NRG3: variants seen among roughly 807,000 people sequenced by gnomAD.
NRG3 encodes the protein neuregulin 3.
A neutral mutation model predicts 66.9 loss-of-function variants in NRG3; 31 were observed. The ratio of observed to expected loss-of-function variants is 0.46; its 90% CI spans 0.35 to 0.63. The LOEUF is 0.63. Ranked by LOEUF, NRG3 falls within the 20% of genes least tolerant of loss-of-function variation. The pLI is 0.00. For synonymous variants in NRG3, 393 were observed against 359.4 expected, an observed-to-expected ratio of 1.09 and a Z score of -1.06; for missense variants, 910 against 878.9, an observed-to-expected ratio of 1.04 and a Z score of -0.45.
chr10:82,552,213 C>G (rs1340757064), intron 2 of NRG3, among the ~76,000 whole-genome samples: 1 of 152,094 alleles, frequency 6.6e-6, no homozygotes, highest in Non-Finnish European at 1.5e-5. Context: ...ATCACTTGCT[C>G]TCATCTCCTA....
chr10:82,846,523 A>G (rs545274664), intron 3 of NRG3, among the ~76,000 whole-genome samples: 21 of 152,332 alleles, frequency 1.4e-4, no homozygotes, highest in Admixed American at 5.2e-4. Context: ...ATAGAATTCA[A>G]AGAAGAAAGC....
intron 2 of NRG3, among the ~76,000 whole-genome samples, chr10:82,613,420 A>T (rs879730821): frequency 1.1e-3 from 160 of 151,162 alleles, no homozygotes; most frequent in Admixed American, 3.3e-3. Flanking sequence ...TTATTATTTT[A>T]AAAAAAATAA....
chr10:82,808,714 G>A (rs976623862), intron 3 of NRG3, among the ~76,000 whole-genome samples: 2 of 152,112 alleles, frequency 1.3e-5, no homozygotes, highest in Non-Finnish European at 2.9e-5. Context: ...CCGGAATTTA[G>A]ACAACTAAAG....
intron 2 of NRG3, among the ~76,000 whole-genome samples, chr10:82,407,000 A>G (rs964188689): frequency 2.6e-5 from 4 of 151,348 alleles, no homozygotes; most frequent in African/African-American, 9.7e-5. Flanking sequence ...AAATCCTCTT[A>G]TTTTTTTTCT....
chr10:82,475,018 G>T (rs1841638079), intron 2 of NRG3, among the ~76,000 whole-genome samples: 1 of 151,052 alleles, frequency 6.6e-6, no homozygotes, highest in Non-Finnish European at 1.5e-5. Flanking sequence ...TATCAACCAA[G>T]ATCTTAAATC....
At chr10:82,607,611 G>C (rs1013487895) in intron 2 of NRG3, among the ~76,000 whole-genome samples, 1 of 151,766 alleles carries the variant, frequency 6.6e-6, no homozygotes, top group Non-Finnish European at 1.5e-5. Flanking sequence ...TACCATATTT[G>C]TTACTGTTTT....
intron 3 of NRG3, among the ~76,000 whole-genome samples, chr10:82,855,436 T>C (rs1391790113): frequency 6.6e-6 from 1 of 152,094 alleles, no homozygotes; most frequent in Non-Finnish European, 1.5e-5. Context: ...GTCACTCTGT[T>C]GCCCAGGCTG....
At chr10:82,378,506 C>T (rs2135818249) in intron 2 of NRG3, among the ~76,000 whole-genome samples, 1 of 151,866 alleles carries the variant, frequency 6.6e-6, no homozygotes, top group Non-Finnish European at 1.5e-5. Context: ...TTCTTTGCTT[C>T]TTTCCTTCCT....
At chr10:82,714,497 A>G (rs1026451379) in intron 2 of NRG3, among the ~76,000 whole-genome samples, 1 of 152,190 alleles carries the variant, frequency 6.6e-6, no homozygotes, top group African/African-American at 2.4e-5. Context: ...AAAAACAGAA[A>G]CAATGTTTTC....
At position 82,179,296 on chromosome 10, in the gene NRG3, G is replaced by T. The variant is rs118142050; in HGVS notation, c.824-179443G>T. 1.3e-3 allele frequency among the ~76,000 whole-genome samples: 196 copies of T among 151,518 alleles called. 3 individuals carry two copies. The East Asian group carries it at 0.032, about 25-fold the overall frequency. ...TTTTTCTTTTGTTGTCTATTCTTTC[G>T]CTGTCATATCAAAAAATGCATTTCC... On this transcript the variant is annotated intron_variant, in intron 1 of 8. Transcript: ENST00000372141.
intron 2 of NRG3, among the ~76,000 whole-genome samples, chr10:82,696,378 T>C (rs2055384270): frequency 6.6e-6 from 1 of 152,152 alleles, no homozygotes. Flanking sequence ...ATTCTGACCT[T>C]GTAGTTTATA....
At chr10:82,738,551 G>A in intron 2 of NRG3, 26 bp from the exon 3 acceptor site, 1 of 1,598,062 alleles carries the variant, frequency 6.3e-7, no homozygotes. Flanking sequence ...ACATGCGTAT[G>A]TTTGTCATTT....
intron 1 of NRG3, among the ~76,000 whole-genome samples, chr10:82,263,485 A>G (rs980747644): frequency 2.6e-5 from 4 of 152,158 alleles, no homozygotes; most frequent in African/African-American, 9.7e-5. Context: ...TTATGCTCCT[A>G]CCATTTATAA....
intron 2 of NRG3, among the ~76,000 whole-genome samples, chr10:82,664,001 C>T (rs1408781307): frequency 6.6e-6 from 1 of 152,160 alleles, no homozygotes; most frequent in African/African-American, 2.4e-5. Flanking sequence ...ATTATGCTGA[C>T]CCATGGTATG....
At chr10:82,417,783 G>A (rs559870870) in intron 2 of NRG3, among the ~76,000 whole-genome samples, 34 of 152,300 alleles carry the variant, frequency 2.2e-4, no homozygotes, top group African/African-American at 7.9e-4. Context: ...GCCTCAGCGA[G>A]CAAGGGAAGG....
chr10:82,571,942 G>A (rs1590717536), intron 2 of NRG3, among the ~76,000 whole-genome samples: 1 of 151,724 alleles, frequency 6.6e-6, no homozygotes, highest in Admixed American at 6.6e-5. Flanking sequence ...CAGTTAGGAA[G>A]TAAGGGAGGT....
chr10:82,358,711 G>A lies in NRG3; in HGVS notation c.824-28G>A, dbSNP rs997798748. 4 of 1,613,662 alleles carry A rather than the reference G, an allele frequency of 2.5e-6. No individual in the cohort carries two copies. The African/African-American group carries it at 5.3e-5, about 22-fold the overall frequency. On this transcript the variant is annotated intron_variant, in intron 1 of 8. Transcript: ENST00000372141. ...TTGGTGTCAGAATGTACTGCTGACA[G>A]CGTTTCCCCCTGTGCTTTCCCTGAC...
intron 1 of NRG3, among the ~76,000 whole-genome samples, chr10:81,930,518 A>AG (rs1847240958): frequency 6.6e-6 from 1 of 151,944 alleles, no homozygotes; most frequent in Non-Finnish European, 1.5e-5. Flanking sequence ...TGGAAAAAAA[A>AG]AAAAAGAAAA....
intron 1 of NRG3, among the ~76,000 whole-genome samples, chr10:82,004,566 G>A (rs1490892704): frequency 2.0e-5 from 3 of 152,178 alleles, no homozygotes; most frequent in Non-Finnish European, 4.4e-5. Context: ...TTTGTCAACA[G>A]CAATGATTTG....
Sources: allele counts gnomAD v4.1 joint callset (sites outside exome capture counted in the v4.1 genomes callset), GRCh38; gene constraint gnomAD v4.1.1; transcripts MANE v1.5; gene names NCBI Gene and HGNC (gene_info 2026-07-23, HGNC 2026-07-21).